Variants in FBXL2 observed in about 807,000 individuals in gnomAD.
The protein encoded by FBXL2 is F-box/LRR-repeat protein 2.
A neutral mutation model predicts 69.2 loss-of-function variants in FBXL2; 38 were observed. That is an observed-to-expected ratio of 0.55 (90% confidence interval 0.42 to 0.72). The LOEUF (loss-of-function observed/expected upper bound fraction) is 0.72, where lower values mean the gene tolerates loss of function less well. Among genes scored for constraint, FBXL2 ranks in the 30% least tolerant of loss-of-function variants. The probability of loss-of-function intolerance (pLI) is 0.00; values close to 1 mark genes in which losing one functional copy is unlikely to be tolerated. For missense variants in FBXL2, 354 were observed against 520.3 expected (o/e 0.68, Z 3.11); for synonymous variants, 192 against 201.3 (o/e 0.95, Z 0.39).
chr3:33,315,531 G>GGTCT (rs1356954352), intron 2 of FBXL2, among the ~76,000 whole-genome samples: 1 of 151,768 alleles, frequency 6.6e-6, no homozygotes, highest in Admixed American at 6.6e-5. Flanking sequence ...TCCCTAAGAG[G>GGTCT]GTCTACAGGA....
downstream of FBXL2, chr3:33,408,624 T>G (rs2044493796): frequency 9.1e-6 from 12 of 1,316,628 alleles, no homozygotes; most frequent in South Asian, 1.7e-4. Flanking sequence ...GCGGTGGAAG[T>G]TGGTCCTATA....
chr3:33,310,936 G>A (rs2037137542), intron 2 of FBXL2, among the ~76,000 whole-genome samples: 1 of 151,874 alleles, frequency 6.6e-6, no homozygotes, highest in Non-Finnish European at 1.5e-5. Flanking sequence ...CACCACTCCT[G>A]GCTAATTTTT....
rs13076625 is a variant in FBXL2, at chr3:33,277,498, C to T, written c.-15C>T. The T allele has an allele frequency of 1.0e-5, 13 of 1,297,918 alleles. No homozygotes were observed. Among genetic ancestry groups the T allele is most frequent in the Non-Finnish European group, 1.3e-5 (13 of 1,014,364 alleles). 80.4% of individuals were successfully genotyped at this position (1,297,918 alleles called of 1,614,324 possible). ...TGTGACTTCGGGCTGTGGGCTCGCT[C>T]GCGGCTCTTCGGCCATGGTGAGTCT... On this transcript the variant is annotated 5_prime_UTR_variant, in exon 1 of 15. Transcript: ENST00000484457.
intron 5 of FBXL2, among the ~76,000 whole-genome samples, chr3:33,368,615 G>T (rs757079121): frequency 2.7e-5 from 4 of 150,834 alleles, no homozygotes; most frequent in Non-Finnish European, 5.9e-5. Flanking sequence ...CTTTTTTTTA[G>T]ATGGAGTCTT....
At chr3:33,409,739 T>A in the FBXL2 span, 3 of 1,095,876 alleles carry the variant, frequency 2.7e-6, no homozygotes, top group Non-Finnish European at 3.9e-6. Context: ...ATTAGCCAAA[T>A]TATCTATGAA....
chr3:33,346,833 A>T (rs2040475991), intron 2 of FBXL2, among the ~76,000 whole-genome samples: 1 of 152,048 alleles, frequency 6.6e-6, no homozygotes, highest in Non-Finnish European at 1.5e-5. Context: ...GATTTAAAAA[A>T]AAATTTTGTG....
At chr3:33,402,200 T>C (rs2044255511) in intron 12 of FBXL2, among the ~76,000 whole-genome samples, 1 of 152,220 alleles carries the variant, frequency 6.6e-6, no homozygotes, top group African/African-American at 2.4e-5. Context: ...CGCCATGGGG[T>C]ACTGCTGTAC....
intron 12 of FBXL2, among the ~76,000 whole-genome samples, chr3:33,400,573 C>T (rs1411846162): frequency 1.3e-5 from 2 of 152,030 alleles, no homozygotes; most frequent in African/African-American, 4.8e-5. Context: ...ATAAGCCAGG[C>T]ACAGAAAGAC....
At chr3:33,320,122 ACT>A (rs1314848583) in intron 2 of FBXL2, among the ~76,000 whole-genome samples, 2 of 152,210 alleles carry the variant, frequency 1.3e-5, no homozygotes, top group African/African-American at 4.8e-5. Flanking sequence ...TAAAAAACTG[ACT>A]CTGAATGTAT....
At chr3:33,390,293 CTATTTGGTACTGAA>C (rs1476817780), downstream of FBXL2, 2 of 1,596,258 alleles carry the variant, frequency 1.3e-6, no homozygotes, top group Non-Finnish European at 1.7e-6. Flanking sequence ...TTAAGCGTGA[CTATTTGGTACTGAA>C]TACAGTTCAG....
intron 2 of FBXL2, among the ~76,000 whole-genome samples, chr3:33,354,540 A>G (rs553032927): frequency 2.0e-5 from 3 of 152,182 alleles, no homozygotes; most frequent in Admixed American, 2.0e-4. Flanking sequence ...AGGGGAGATA[A>G]ACAAATGTGA....
chr3:33,278,406 G>T (rs758390562), intron 1 of FBXL2: 2 of 152,226 alleles, frequency 1.3e-5, no homozygotes, highest in Non-Finnish European at 1.5e-5. Flanking sequence ...ATGGCGGTAG[G>T]TGTAGGTAAT....
chr3:33,413,607 C>T, the FBXL2 span, among the ~76,000 whole-genome samples: 1 of 149,904 alleles, frequency 6.7e-6, no homozygotes, highest in Non-Finnish European at 1.5e-5. Context: ...AAACAAAAAT[C>T]CGAAACACTG....
the FBXL2 span, chr3:33,409,225 T>A: frequency 6.2e-7 from 1 of 1,612,726 alleles, no homozygotes; most frequent in African/African-American, 1.3e-5. Flanking sequence ...CCAAATGCTT[T>A]ACTACATTAC....
intron 12 of FBXL2, chr3:33,393,220 A>G (rs1362208163): frequency 3.8e-6 from 5 of 1,306,200 alleles, no homozygotes; most frequent in Non-Finnish European, 3.1e-6. Flanking sequence ...AAGTATTTTC[A>G]AAAGAGGTCA....
downstream of FBXL2, chr3:33,392,510 C>A: frequency 6.7e-7 from 1 of 1,501,920 alleles, no homozygotes; most frequent in Non-Finnish European, 9.1e-7. Context: ...ATTAGAGGCA[C>A]ACACCATCTC....
chr3:33,373,213 A>G, intron 6 of FBXL2, 47 bp from the exon 7 acceptor site: 1 of 1,610,784 alleles, frequency 6.2e-7, no homozygotes, highest in Non-Finnish European at 8.5e-7. Flanking sequence ...GAGAGAAGGG[A>G]GAGAAACGTG....
At chr3:33,374,865 C>A (rs58752175) in intron 9 of FBXL2, among the ~76,000 whole-genome samples, 8,216 of 151,990 alleles carry the variant, frequency 0.054, 743 homozygotes, top group African/African-American at 0.19. Flanking sequence ...TTGTAAATAT[C>A]TAAAGCATTA....
At chr3:33,350,936 C>A (rs1351876185) in intron 2 of FBXL2, among the ~76,000 whole-genome samples, 2 of 152,052 alleles carry the variant, frequency 1.3e-5, no homozygotes, top group Non-Finnish European at 2.9e-5. Context: ...TGTCATGAAA[C>A]CCCCAAAGAA....
Sources: allele counts gnomAD v4.1 joint callset (sites outside exome capture counted in the v4.1 genomes callset), GRCh38; gene constraint gnomAD v4.1.1; transcripts MANE v1.5; gene names NCBI Gene and HGNC (gene_info 2026-07-23, HGNC 2026-07-21).